The following KCNA6 variants were observed in gnomAD, a reference collection of about 807,000 sequenced individuals.
KCNA6 encodes the protein human brain potassium channel-2.
A neutral mutation model predicts 29.5 loss-of-function variants in KCNA6; 17 were observed. The ratio of observed to expected loss-of-function variants is 0.58; its 90% CI spans 0.39 to 0.86. The LOEUF is 0.86. Among genes scored for constraint, KCNA6 ranks in the 40% least tolerant of loss-of-function variants. The probability of loss-of-function intolerance (pLI) is 0.00; values close to 1 mark genes in which losing one functional copy is unlikely to be tolerated. For missense variants in KCNA6, 450 were observed against 703.4 expected, an observed-to-expected ratio of 0.64 and a Z score of 4.07; for synonymous variants, 296 against 304.7, an observed-to-expected ratio of 0.97 and a Z score of 0.30.
the KCNA6 span, among the ~76,000 whole-genome samples, chr12:4,824,253 C>T: frequency 6.6e-6 from 1 of 152,186 alleles, no homozygotes. Flanking sequence ...AGTAGTGAGG[C>T]ATAAGCAAGG....
At chr12:4,814,775 G>GC (rs1461044971), downstream of KCNA6, 7 of 167,112 alleles carry the variant, frequency 4.2e-5, no homozygotes, top group African/African-American at 1.7e-4. This position sits in a 1 kb window ranked among gnomAD's most constrained non-coding sequence, Gnocchi z 4.6. Context: ...CGCCTTCTTT[G>GC]CAGGTGAGGT....
the KCNA6 span, among the ~76,000 whole-genome samples, chr12:4,846,974 C>T: frequency 2.8e-3 from 426 of 150,702 alleles, no homozygotes; most frequent in African/African-American, 8.8e-3. Flanking sequence ...TTAGTAGAGA[C>T]GGGGTTTCAT....
chr12:4,827,223 T>TCCTTCCTTCCTTCCTTCCTTCCTTCCTC, the KCNA6 span, among the ~76,000 whole-genome samples: 1 of 77,250 alleles, frequency 1.3e-5, no homozygotes, highest in Non-Finnish European at 2.7e-5. Flanking sequence ...CTTCCTTCCT[T>TCCTTCCTTCCTTCCTTCCTTCCTTCCTC]CCTTCCTCCT....
At chr12:4,828,661 T>A in the KCNA6 span, among the ~76,000 whole-genome samples, 3 of 152,334 alleles carry the variant, frequency 2.0e-5, no homozygotes, top group Non-Finnish European at 4.4e-5. Context: ...TACCAGCGCA[T>A]TTAATCGTCC....
chr12:4,839,645 A>G, the KCNA6 span, among the ~76,000 whole-genome samples: 6 of 152,230 alleles, frequency 3.9e-5, no homozygotes, highest in Non-Finnish European at 5.9e-5. Flanking sequence ...TATTTTCTAA[A>G]TAACTATTCA....
chr12:4,809,711 G>T, exon 1 of KCNA6: 1 of 262,744 alleles, frequency 3.8e-6, no homozygotes, highest in South Asian at 1.6e-4. Context: ...AGGCACCGCT[G>T]GGGGCGAAGC....
the KCNA6 span, among the ~76,000 whole-genome samples, chr12:4,850,103 C>T: frequency 0.57 from 86,498 of 152,008 alleles, 24,983 homozygotes; most frequent in Admixed American, 0.64. The surrounding 1 kb of genome is among the most constrained non-coding windows in gnomAD (Gnocchi z 5.4). Flanking sequence ...AGATCAGTCA[C>T]GCAGGGGACA....
downstream of KCNA6, among the ~76,000 whole-genome samples, chr12:4,816,288 G>GTC (rs1321142519): frequency 6.4e-5 from 9 of 141,220 alleles, no homozygotes; most frequent in Admixed American, 6.1e-4. Flanking sequence ...GTGTGTGTGT[G>GTC]TGTGTGTGTC....
At chr12:4,832,663 T>C in the KCNA6 span, among the ~76,000 whole-genome samples, 1 of 152,182 alleles carries the variant, frequency 6.6e-6, no homozygotes, top group Non-Finnish European at 1.5e-5. Flanking sequence ...GTCACTCACC[T>C]GTCTCCAGAA....
At chr12:4,828,980 C>G in the KCNA6 span, among the ~76,000 whole-genome samples, 1 of 152,140 alleles carries the variant, frequency 6.6e-6, no homozygotes. Context: ...GTGTGTTTGA[C>G]GAGCTTGGGG....
At chr12:4,839,368 A>G in the KCNA6 span, 2 of 152,326 alleles carry the variant, frequency 1.3e-5, no homozygotes, top group East Asian at 1.9e-4. Flanking sequence ...ACCAGTAACT[A>G]TATTTTCTCT....
chr12:4,825,112 T>G, the KCNA6 span, among the ~76,000 whole-genome samples: 1 of 152,228 alleles, frequency 6.6e-6, no homozygotes, highest in Non-Finnish European at 1.5e-5. Flanking sequence ...TTTTCCTCAT[T>G]TCTCAGTTAC....
At chr12:4,818,006 C>G (rs1056772122), downstream of KCNA6, among the ~76,000 whole-genome samples, 1 of 152,202 alleles carries the variant, frequency 6.6e-6, no homozygotes, top group African/African-American at 2.4e-5. Flanking sequence ...GCTGTTCTCT[C>G]AGGGCTTGAC....
the KCNA6 span, among the ~76,000 whole-genome samples, chr12:4,831,327 G>A: frequency 1.8e-4 from 27 of 152,154 alleles, no homozygotes; most frequent in Non-Finnish European, 3.5e-4. Context: ...GGGCCCAAGA[G>A]TCCTTCACAA....
At chr12:4,832,494 CTT>C in the KCNA6 span, among the ~76,000 whole-genome samples, 40 of 152,290 alleles carry the variant, frequency 2.6e-4, no homozygotes, top group African/African-American at 9.4e-4. Context: ...TTTTGATACT[CTT>C]TTGAGGGTGG....
the KCNA6 span, among the ~76,000 whole-genome samples, chr12:4,834,468 A>T: frequency 3.3e-5 from 5 of 152,200 alleles, no homozygotes; most frequent in Non-Finnish European, 7.3e-5. Context: ...TCTTCTAAGA[A>T]GGTCATGTCT....
the KCNA6 span, among the ~76,000 whole-genome samples, chr12:4,829,977 T>G: frequency 2.6e-5 from 4 of 152,196 alleles, no homozygotes; most frequent in Non-Finnish European, 4.4e-5. Context: ...TCATGGCCAG[T>G]CCTGCCAGTT....
At position 4,811,988 on chromosome 12, in the gene KCNA6, C is replaced by G. The variant is rs1946636986; in HGVS notation, c.*357C>G. 4.2e-6 allele frequency: 1 copy of G among 236,276 alleles called. No homozygotes were observed. The highest frequency in any genetic ancestry group is 2.3e-5 in the African/African-American group (1 of 43,806). 14.6% of individuals were successfully genotyped at this position (236,276 alleles called of 1,614,324 possible). ...AACAGCAATGTCAACAGGATGGAAA[C>G]CAGCCCTATCTGAGTCTTCGCTCCC... On this transcript the variant is annotated 3_prime_UTR_variant, in exon 1 of 1. Transcript: ENST00000280684. This position sits in a 1 kb window ranked among gnomAD's most constrained non-coding sequence, Gnocchi z 7.1.
the KCNA6 span, among the ~76,000 whole-genome samples, chr12:4,827,186 CTCCTTCCTTCCTTCCTTCCCTCCT>C: frequency 2.6e-4 from 16 of 60,962 alleles, no homozygotes; most frequent in African/African-American, 1.3e-3. Flanking sequence ...CCTTCCTTCC[CTCCTTCCTTCCTTCCTTCCCTCCT>C]TCCTTCCTTC....
Sources: allele counts gnomAD v4.1 joint callset (sites outside exome capture counted in the v4.1 genomes callset), GRCh38; gene constraint gnomAD v4.1.1; non-coding constraint Gnocchi (gnomAD v3.1); transcripts MANE v1.5; gene names NCBI Gene and HGNC (gene_info 2026-07-23, HGNC 2026-07-21).